RMDN3: variants seen among roughly 807,000 people sequenced by gnomAD.
RMDN3 encodes regulator of microtubule dynamics 3, also known as regulator of microtubule dynamics protein 3.
Under a neutral mutation model 61.8 loss-of-function variants are expected in RMDN3, and 41 were observed. That is an observed-to-expected ratio of 0.66 (90% CI 0.52 to 0.86). The LOEUF is 0.86. Among genes scored for constraint, RMDN3 ranks in the 40% least tolerant of loss-of-function variants. The pLI is 0.00. For missense variants in RMDN3, 557 were observed against 585.3 expected (o/e 0.95, Z 0.50); for synonymous variants, 247 against 232.0 (o/e 1.06, Z -0.59).
At chr15:40,750,210 GTTTTTTT>G (rs10586666) in intron 4 of RMDN3, among the ~76,000 whole-genome samples, 22 of 89,702 alleles carry the variant, frequency 2.5e-4, no homozygotes, top group African/African-American at 5.2e-4. Context: ...TGCCCAGCTC[GTTTTTTT>G]TTTTTTTTTT....
intron 2 of RMDN3, 102 bp downstream of exon 2, chr15:40,754,495 C>T (rs1213579110): frequency 1.7e-6 from 2 of 1,204,960 alleles, no homozygotes; most frequent in Non-Finnish European, 2.3e-6. Context: ...AACCCTAAAG[C>T]ACTTCTCTCC....
In RMDN3 at chr15:40,744,881, G is replaced by A. The variant is rs976025895; in HGVS notation, c.807+96C>T. 6.2e-5 allele frequency: 81 copies of A among 1,303,120 alleles called. No homozygotes were observed. The Middle Eastern group carries it at 1.9e-3, about 31-fold the overall frequency. 80.7% of individuals were successfully genotyped at this position (1,303,120 alleles called of 1,614,324 possible). On this transcript the variant is annotated intron_variant, in intron 5 of 12. Transcript: ENST00000338376. ...TTCTCGTCCCATGTCACCTTGTAGG[G>A]GCAGTAACCACACGGGCCTTCATTC... is the stretch of plus-strand genomic sequence containing the variant.
chr15:40,742,697 G>A (rs2141908602), intron 6 of RMDN3, among the ~76,000 whole-genome samples: 1 of 152,322 alleles, frequency 6.6e-6, no homozygotes, highest in South Asian at 2.1e-4. Flanking sequence ...TGGGTGCTAA[G>A]CTCAGGAGGC....
chr15:40,737,998 C>A lies in RMDN3; in HGVS notation c.1092G>T (p.Met364Ile). The A allele has an allele frequency of 6.2e-7, 1 of 1,614,180 alleles. No individual in the cohort carries two copies. Among genetic ancestry groups the A allele is most frequent in the Non-Finnish European group, 8.5e-7 (1 of 1,180,038 alleles). Residue 364 changes from methionine (M) to isoleucine (I), a missense_variant, in exon 9 of 13, where the codon ATG (methionine) becomes ATT (isoleucine). Met to Ile is a conservative substitution (Grantham distance 10). Coordinates refer to ENST00000338376, the MANE Select transcript of RMDN3 (RefSeq NM_018145.3). ...KAIALQPENP[M>I]AHFLLGRWCY... ...ACCACCTGCCAAGAAGAAAGTGAGC[C>A]ATGGGGTTTTCTGGCTGGAGAGCAA...
chr15:40,750,794 G>C (rs543115032), intron 4 of RMDN3, among the ~76,000 whole-genome samples: 2 of 152,322 alleles, frequency 1.3e-5, no homozygotes, highest in African/African-American at 4.8e-5. Context: ...CAGCAGATAA[G>C]GTCAGATGGG....
At chr15:40,737,423 C>T in intron 10 of RMDN3, 82 bp from the exon 11 acceptor site, 2 of 1,359,200 alleles carry the variant, frequency 1.5e-6, no homozygotes, top group Admixed American at 1.7e-5. Context: ...GATTTCTAGT[C>T]CCCAACCATG....
chr15:40,743,971 G>C, intron 6 of RMDN3, 76 bp downstream of exon 6: 1 of 1,276,398 alleles, frequency 7.8e-7, no homozygotes, highest in Non-Finnish European at 1.1e-6. Context: ...GTGGTTCCCC[G>C]GGTCCCCAGG....
chr15:40,747,133 G>A (rs1367821718), intron 4 of RMDN3, among the ~76,000 whole-genome samples: 1 of 152,222 alleles, frequency 6.6e-6, no homozygotes, highest in African/African-American at 2.4e-5. Flanking sequence ...AGAAGGAGGG[G>A]GAGACCCTAT....
chr15:40,737,825 G>A (rs1034846826), intron 9 of RMDN3, 99 bp from the exon 10 acceptor site: 5 of 1,462,388 alleles, frequency 3.4e-6, no homozygotes, highest in Non-Finnish European at 3.8e-6. Context: ...ACGGGGCTGG[G>A]TCGAACCACC....
chr15:40,744,122 G>A lies in RMDN3; in HGVS notation c.835C>T (p.Arg279Cys), dbSNP rs753978472. 1.4e-5 allele frequency: 23 copies of A among 1,613,394 alleles called. No individual in the cohort carries two copies. Among genetic ancestry groups the A allele is most frequent in the East Asian group, 1.1e-4 (5 of 44,896 alleles). Residue 279 changes from arginine to cysteine, a missense_variant, in exon 6 of 13, where the codon CGC becomes TGC. Transcript: ENST00000338376. The stretch of plus-strand genomic sequence containing the variant: ...ATGTCACTGTAGGCTCGGGCCAGGC[G>A]CCAGAGAAAGTCCTGCCGGCTTCCA... Reference protein sequence around the residue: ...VYGSRQDFLWRLARAYSDMCE... With the variant: ...VYGSRQDFLWCLARAYSDMCE...
rs1462071232 is a variant in RMDN3 at position 40,735,923 on chromosome 15, A to C, written c.*618T>G. The C allele has an allele frequency of 1.3e-5, 2 of 152,170 alleles. No individual in the cohort carries two copies. Among genetic ancestry groups the C allele is most frequent in the Non-Finnish European group, 2.9e-5 (2 of 68,034 alleles). 9.4% of individuals were successfully genotyped at this position (152,170 alleles called of 1,614,324 possible). A position where few individuals can be genotyped will look rare whatever the true frequency, so the allele number is the denominator to read the frequency against. ...TTGGTTTATTTCAAGTTTGTAACAA[A>C]ATATATTCTAGGCAACTTTTCAGAC... is the stretch of plus-strand genomic sequence containing the variant. On this transcript the variant is annotated 3_prime_UTR_variant, in exon 13 of 13. Transcript: ENST00000338376.
intron 6 of RMDN3, among the ~76,000 whole-genome samples, chr15:40,740,561 G>A (rs1055437350): frequency 1.3e-5 from 2 of 151,790 alleles, no homozygotes; most frequent in African/African-American, 4.8e-5. Flanking sequence ...CAGGAGAATC[G>A]CTTGAACCCA....
At chr15:40,749,857 A>T (rs900737843) in intron 4 of RMDN3, among the ~76,000 whole-genome samples, 5 of 152,208 alleles carry the variant, frequency 3.3e-5, no homozygotes, top group Non-Finnish European at 4.4e-5. Context: ...GAGAATGCAG[A>T]TAACAGGGAT....
intron 12 of RMDN3, among the ~76,000 whole-genome samples, chr15:40,736,827 A>T (rs112544182): frequency 6.2e-4 from 94 of 152,258 alleles, no homozygotes; most frequent in Non-Finnish European, 1.1e-3. Flanking sequence ...AAAATGTCAC[A>T]TGATGATTCA....
chr15:40,737,094 TG>T, intron 12 of RMDN3, 29 bp downstream of exon 12: 2 of 1,576,832 alleles, frequency 1.3e-6, no homozygotes, highest in Non-Finnish European at 1.7e-6. Context: ...TCAGGTGATC[TG>T]CCCAACAGGC....
Position 40,755,116 on chromosome 15 carries a change from G to A in RMDN3, c.-41C>T, listed in dbSNP as rs73396598. On this transcript the variant is annotated 5_prime_UTR_variant, in exon 1 of 13. Coordinates refer to ENST00000338376, the MANE Select transcript of RMDN3 (RefSeq NM_018145.3). ...CACGACACTGCAGACCACAAACCCG[G>A]CGCCCTGGCTGCAAACTCCTGGCCT... 1,766 of 223,064 alleles carry A rather than the reference G, an allele frequency of 7.9e-3. 26 individuals are homozygous for A. Among genetic ancestry groups the A allele is most frequent in the African/African-American group, 0.038 (1,679 of 43,822 alleles). The allele number at this position is 223,064 out of a possible 1,614,324, so 13.8% of individuals were successfully genotyped here.
chr15:40,737,669 G>A lies in RMDN3; in HGVS notation c.1183C>T (p.Leu395Phe), dbSNP rs1358774911. 6.2e-7 allele frequency: 1 copy of A among 1,614,180 alleles called. No homozygotes were observed. Among genetic ancestry groups the A allele is most frequent in the Non-Finnish European group, 8.5e-7 (1 of 1,180,038 alleles). ...KTATALLESP[L>F]SATVEDALQS... ...AGGGCATCTTCCACAGTGGCACTGA[G>A]AGGGCTTTCAAGCAAGGCTGTAGCA... Residue 395 changes from leucine (L) to phenylalanine (F), a missense_variant, in exon 10 of 13, where the codon CTC becomes TTC. By Grantham distance (22) the Leu-to-Phe change is conservative (BLOSUM62 0). Transcript: ENST00000338376.
chr15:40,754,955 C>T (rs1386927590), intron 1 of RMDN3, 128 bp downstream of exon 1: 3 of 603,436 alleles, frequency 5.0e-6, no homozygotes, highest in East Asian at 5.9e-5. Context: ...CCAGTCTGAA[C>T]CCTAAGGCTT....
chr15:40,751,619 T>A, intron 3 of RMDN3, 50 bp from the exon 4 acceptor site: 1 of 1,612,598 alleles, frequency 6.2e-7, no homozygotes. Context: ...CCATCCAGCT[T>A]GTCTTTCTGC....
Sources: allele counts gnomAD v4.1 joint callset (sites outside exome capture counted in the v4.1 genomes callset), GRCh38; gene constraint gnomAD v4.1.1; transcripts MANE v1.5; gene names NCBI Gene and HGNC (gene_info 2026-07-23, HGNC 2026-07-21).